SHOX: variants seen among roughly 807,000 people sequenced by gnomAD.
The protein encoded by SHOX is short stature homeobox protein.
In SHOX, 12 loss-of-function variants were observed where a neutral mutation model predicts 29.6. That is an observed-to-expected ratio of 0.41 (90% CI 0.26 to 0.66). The LOEUF (loss-of-function observed/expected upper bound fraction) is 0.66. Among genes scored for constraint, SHOX ranks in the 30% least tolerant of loss-of-function variants. SHOX has a pLI of 0.35. For synonymous variants in SHOX, 214 were observed against 200.6 expected (o/e 1.07, Z -0.57); for missense variants, 499 against 437.7 (o/e 1.14, Z -1.25).
chrX:625,215 C>T (rs973966153), intron 1 of SHOX, among the ~76,000 whole-genome samples: 2 of 143,572 alleles, frequency 1.4e-5, no homozygotes, highest in South Asian at 2.3e-4. Flanking sequence ...TCCTCCTCCT[C>T]CTCCTCCTTC....
upstream of SHOX, among the ~76,000 whole-genome samples, chrX:626,512 T>G (rs2052538164): frequency 8.8e-6 from 1 of 113,294 alleles, no homozygotes; most frequent in African/African-American, 4.0e-5. Flanking sequence ...CTGTCTCTTT[T>G]TCTCTGTCTC....
chrX:645,192 G>C lies in SHOX; in HGVS notation c.*556G>C, dbSNP rs2052943351. On this transcript the variant is annotated 3_prime_UTR_variant, in exon 5 of 5. Transcript: ENST00000686671. ...GGCTCTCCTCCACCGCTCCCCCGGA[G>C]CCTCCCAGGCAGCAATAAGGAAATA... 6.6e-6 allele frequency: 1 copy of C among 152,300 alleles called. No individual in the cohort carries two copies. Among genetic ancestry groups the C allele is most frequent in the South Asian group, 2.1e-4 (1 of 4,824 alleles). 9.4% of individuals were successfully genotyped at this position (152,300 alleles called of 1,614,324 possible).
rs1380764402 is a variant in SHOX, at chrX:634,905, C to A, written c.486+79C>A. The A allele has an allele frequency of 1.1e-5, 16 of 1,441,884 alleles. No homozygotes were observed. In the East Asian group the frequency reaches 4.0e-4, roughly 36 times the overall value. The allele number at this position is 1,441,884 out of a possible 1,614,324, so 89.3% of individuals were successfully genotyped here. On this transcript the variant is annotated intron_variant, in intron 2 of 4. Transcript: ENST00000686671. Reference sequence around the variant, plus strand: ...GAGCGCACAGCACGCGTACAGCCACCTGCGCCCGGGCCGCCGCCGTCCCCT... The same window carrying A: ...GAGCGCACAGCACGCGTACAGCCACATGCGCCCGGGCCGCCGCCGTCCCCT...
downstream of SHOX, among the ~76,000 whole-genome samples, chrX:654,265 T>G (rs1482203203): frequency 1.3e-5 from 2 of 151,644 alleles, no homozygotes; most frequent in African/African-American, 4.8e-5. Context: ...AGCGAGACCC[T>G]CATCTCTACA....
Position 650,630 on chromosome X carries a change from C to T in SHOX, c.*5994C>T, listed in dbSNP as rs1319704781. On this transcript the variant is annotated 3_prime_UTR_variant, in exon 5 of 5. Transcript: ENST00000686671. ...CCTAAGAACAAGCAGAAGCCTCCAG[C>T]TCCCTTTAGCTCCACAGTTTTCCCG... Among the ~76,000 whole-genome samples the T allele has an allele frequency of 6.6e-6, 1 of 151,544 alleles. No homozygotes were observed. Among genetic ancestry groups the T allele is most frequent in the African/African-American group, 2.4e-5 (1 of 41,268 alleles).
In SHOX at chrX:640,838, G is replaced by A. The variant is rs367892499; in HGVS notation, c.504G>A (p.Arg168=). The A allele has an allele frequency of 2.5e-6, 4 of 1,613,786 alleles. No individual in the cohort carries two copies. The highest frequency in any genetic ancestry group is 3.3e-5 in the Admixed American group (2 of 59,982). ...EARVQVWFQN[R]RAKCRKQENQ... is the part of the protein sequence containing the mutation. The stretch of plus-strand genomic sequence containing the variant: ...TCCCCAAGGTTTGGTTCCAGAACCG[G>A]AGAGCCAAGTGCCGCAAACAAGAGA... Residue 168 remains arginine (R), a synonymous_variant, in exon 3 of 5, where the codon CGG becomes CGA. Transcript: ENST00000686671.
At chrX:636,852 A>G (rs2052768061) in intron 2 of SHOX, among the ~76,000 whole-genome samples, 1 of 145,360 alleles carries the variant, frequency 6.9e-6, no homozygotes, top group Non-Finnish European at 1.5e-5. Context: ...GATTGAGTCA[A>G]CACATTCAAA....
chrX:653,418 T>C (rs2053095664), downstream of SHOX, among the ~76,000 whole-genome samples: 1 of 152,162 alleles, frequency 6.6e-6, no homozygotes, highest in Non-Finnish European at 1.5e-5. Flanking sequence ...ATTCAAATGG[T>C]TTGAGAGATC....
intron 2 of SHOX, among the ~76,000 whole-genome samples, chrX:637,371 A>G (rs1275624871): frequency 6.6e-6 from 1 of 152,096 alleles, no homozygotes; most frequent in Non-Finnish European, 1.5e-5. Flanking sequence ...GTTTCTATAA[A>G]AATAAATTAC....
chrX:657,755 A>G (rs2053167418), intron 5 of SHOX, among the ~76,000 whole-genome samples: 1 of 152,144 alleles, frequency 6.6e-6, no homozygotes, highest in Non-Finnish European at 1.5e-5. Context: ...ATAAAATACG[A>G]CGTGCACACA....
chrX:626,710 C>G (rs183960457), upstream of SHOX, among the ~76,000 whole-genome samples: 5 of 126,942 alleles, frequency 3.9e-5, no homozygotes, highest in East Asian at 1.3e-3. Context: ...TCTCTCTCAT[C>G]TCTCTCTGTC....
At chrX:624,701 T>TTTTTTTTC (rs2052471477) in intron 1 of SHOX, 1 of 105,372 alleles carries the variant, frequency 9.5e-6, no homozygotes, top group Admixed American at 1.1e-4. Flanking sequence ...TTCCTCTTTC[T>TTTTTTTTC]TTTCTTTCTT....
At chrX:658,808 G>T (rs28474801) in exon 6 of SHOX, 8 of 391,992 alleles carry the variant, frequency 2.0e-5, no homozygotes, top group South Asian at 1.5e-4. Context: ...CTTGTCGCCC[G>T]GGCTGGAGTA....
At chrX:624,457 G>A (rs1370320738) in exon 1 of SHOX, 1 of 151,978 alleles carries the variant, frequency 6.6e-6, no homozygotes, top group Non-Finnish European at 1.5e-5. Context: ...AAATGGGAGG[G>A]TGGACAGGCG....
rs1216211916 is a variant in SHOX at position 631,488 on chromosome X, C to T, written c.277+314C>T. ...GGTGGCTGTGCCTGAAGCCGTAGGG[C>T]CTGAGATGTCTTTTTCATTTTCTTT... On this transcript the variant is annotated intron_variant, in intron 1 of 4. Coordinates refer to ENST00000686671, the MANE Select transcript of SHOX (RefSeq NM_000451.4). Among the ~76,000 whole-genome samples the T allele has an allele frequency of 2.0e-5, 3 of 152,118 alleles. No homozygotes were observed. In the East Asian group the frequency reaches 5.9e-4, roughly 30 times the overall value.
In SHOX at chrX:644,651, C is replaced by A; in HGVS notation, c.*15C>A. 1 of 1,443,008 alleles carries A rather than the reference C, an allele frequency of 6.9e-7. No individual in the cohort carries two copies. The highest frequency in any genetic ancestry group is 9.0e-7 in the Non-Finnish European group (1 of 1,107,422). The allele number at this position is 1,443,008 out of a possible 1,614,324, so 89.4% of individuals were successfully genotyped here. A position where few individuals can be genotyped will look rare whatever the true frequency, so the allele number is the denominator to read the frequency against. On this transcript the variant is annotated 3_prime_UTR_variant, in exon 5 of 5. Transcript: ENST00000686671. ...TGGGGCTCTGACCCGCCGCGCAGCCCCCCGCGCGCCCGGACTCCCGGGCTC... is the reference window on the plus strand; with the variant it reads ...TGGGGCTCTGACCCGCCGCGCAGCCACCCGCGCGCCCGGACTCCCGGGCTC...
chrX:636,970 A>ATATATATATATATATATTTTTTTTT (rs1458275715), intron 2 of SHOX, among the ~76,000 whole-genome samples: 2 of 137,342 alleles, frequency 1.5e-5, no homozygotes, highest in African/African-American at 5.5e-5. Flanking sequence ...ATATATATAT[A>ATATATATATATATATATTTTTTTTT]TTTTGGCTCC....
At chrX:635,694 G>T (rs2052733516) in intron 2 of SHOX, among the ~76,000 whole-genome samples, 1 of 152,176 alleles carries the variant, frequency 6.6e-6, no homozygotes, top group African/African-American at 2.4e-5. Context: ...GCCTTCCTCC[G>T]CATTCTAAAC....
downstream of SHOX, among the ~76,000 whole-genome samples, chrX:655,750 G>T (rs181252713): frequency 1.3e-5 from 2 of 151,756 alleles, no homozygotes; most frequent in Admixed American, 6.6e-5. Context: ...CAAGGAAGTT[G>T]TATTGAATGA....
Sources: gnomAD v4.1 joint callset for allele counts (sites outside exome capture counted in the v4.1 genomes callset) on GRCh38, gnomAD v4.1.1 for gene constraint, MANE v1.5 for transcripts, NCBI Gene and HGNC (gene_info 2026-07-23, HGNC 2026-07-21) for gene names.